ZNF648: variants seen among roughly 807,000 people sequenced by gnomAD.
The protein encoded by ZNF648 is zinc finger protein 648.
Under a neutral mutation model 0.3 loss-of-function variants are expected in ZNF648, and 1 was observed. The ratio of observed to expected loss-of-function variants is 3.90; its 90% CI spans 1.39 to 18.51. The LOEUF is 18.51. Ranked by LOEUF, ZNF648 falls within the 30% of genes most tolerant of loss-of-function variation. The probability of loss-of-function intolerance (pLI) is 0.11; values close to 1 mark genes in which losing one functional copy is unlikely to be tolerated. For synonymous variants in ZNF648, 376 were observed against 326.8 expected (o/e 1.15, Z -1.62); for missense variants, 874 against 769.7 (o/e 1.14, Z -1.60).
the ZNF648 span, among the ~76,000 whole-genome samples, chr1:182,067,543 C>T: frequency 6.6e-6 from 1 of 152,160 alleles, no homozygotes; most frequent in Non-Finnish European, 1.5e-5. Context: ...CCTCTGGTCT[C>T]CACTGGAACC....
rs1665908531 is a variant in ZNF648, at chr1:182,056,392, G to T, written c.1619C>A (p.Ala540Asp). The T allele has an allele frequency of 4.3e-6, 7 of 1,614,182 alleles. No individual in the cohort carries two copies. The highest frequency in any genetic ancestry group is 5.9e-6 in the Non-Finnish European group (7 of 1,180,042). ...RPYQCEDCGQ[A>D]FTRSNHLQRH... Reference sequence around the variant, plus strand: ...TTGGAGGTGATTGGACCTGGTGAAGGCCTGGCCGCAGTCCTCACACTGGTA... The same window carrying T: ...TTGGAGGTGATTGGACCTGGTGAAGTCCTGGCCGCAGTCCTCACACTGGTA... The change falls in exon 2 of 2, where the codon GCC (alanine) becomes GAC (aspartate). Residue 540 changes from alanine to aspartate, a missense_variant. Coordinates refer to ENST00000339948, the MANE Select transcript of ZNF648 (RefSeq NM_001009992.1).
Position 182,056,043 on chromosome 1 carries a change from C to A in ZNF648, c.*261G>T, listed in dbSNP as rs111673139. 1.0e-5 allele frequency: 5 copies of A among 476,442 alleles called. No individual in the cohort carries two copies. Among genetic ancestry groups the A allele is most frequent in the Non-Finnish European group, 1.5e-5 (4 of 270,162 alleles). The allele number at this position is 476,442 out of a possible 1,614,324, so 29.5% of individuals were successfully genotyped here. ...AGGTTCCCCAACCCAAGGAACTCAA[C>A]GTTTGATCAGCTCCCACTACTTTGT... On this transcript the variant is annotated 3_prime_UTR_variant, in exon 2 of 2. Coordinates refer to ENST00000339948, the MANE Select transcript of ZNF648 (RefSeq NM_001009992.1).
intron 1 of ZNF648, among the ~76,000 whole-genome samples, chr1:182,060,926 C>A (rs933640222): frequency 3.9e-5 from 6 of 152,168 alleles, no homozygotes; most frequent in Non-Finnish European, 7.3e-5. Context: ...AGCACAAATA[C>A]CCCATTTTCC....
chr1:182,065,190 A>C (rs928437397), upstream of ZNF648, among the ~76,000 whole-genome samples: 6 of 152,052 alleles, frequency 3.9e-5, no homozygotes, highest in African/African-American at 1.4e-4. Flanking sequence ...CAGAGTCTGC[A>C]CTCTTAACCA....
Position 182,056,717 on chromosome 1 carries a change from A to G in ZNF648, c.1294T>C (p.Ser432Pro). 2 of 1,592,190 alleles carry G rather than the reference A, an allele frequency of 1.3e-6. No homozygotes were observed. The highest frequency in any genetic ancestry group is 2.3e-5 in the South Asian group (2 of 88,084). ...GTCTGGTGCTCGGACAGATTGGAGGACTTGGTGAAGCACTTGCCGCAGGTG... is the reference window on the plus strand; with the variant it reads ...GTCTGGTGCTCGGACAGATTGGAGGGCTTGGTGAAGCACTTGCCGCAGGTG... ...CPTCGKCFTK[S>P]SNLSEHQTLH... Residue 432 changes from serine (S) to proline (P), a missense_variant, in exon 2 of 2, where the codon TCC becomes CCC. Ser to Pro is a moderately conservative substitution (Grantham distance 74, BLOSUM62 -1). Transcript: ENST00000339948.
intron 1 of ZNF648, among the ~76,000 whole-genome samples, chr1:182,060,585 C>G (rs962295793): frequency 1.3e-5 from 2 of 152,152 alleles, no homozygotes; most frequent in Non-Finnish European, 2.9e-5. Flanking sequence ...CTCCTCTTCT[C>G]TCACTGCTTC....
At chr1:182,059,541 C>T (rs570769753) in intron 1 of ZNF648, among the ~76,000 whole-genome samples, 4 of 152,234 alleles carry the variant, frequency 2.6e-5, no homozygotes, top group Non-Finnish European at 5.9e-5. Flanking sequence ...TCTGGGCACA[C>T]GTTATGAGCC....
In ZNF648 at chr1:182,056,595, G is replaced by A. The variant is rs1665915672; in HGVS notation, c.1416C>T (p.Gly472=). The change falls in exon 2 of 2, where the codon GGC becomes GGT. Residue 472 remains glycine, a synonymous_variant. Coordinates refer to ENST00000339948, the MANE Select transcript of ZNF648 (RefSeq NM_001009992.1). Reference sequence around the variant, plus strand: ...ACTGCGTGCAAGGAAAGGGCCTCTCGCCAGTGTGGATGCGCTGGTGGCGCA... The same window carrying A: ...ACTGCGTGCAAGGAAAGGGCCTCTCACCAGTGTGGATGCGCTGGTGGCGCA... ...RLVRHQRIHT[G]ERPFPCTQCG... is the part of the protein sequence containing the mutation. The A allele has an allele frequency of 1.2e-6, 2 of 1,613,544 alleles. No homozygotes were observed. The highest frequency in any genetic ancestry group is 1.7e-5 in the Admixed American group (1 of 59,948).
chr1:182,058,913 C>T (rs1665986564), intron 1 of ZNF648, among the ~76,000 whole-genome samples: 1 of 152,218 alleles, frequency 6.6e-6, no homozygotes, highest in South Asian at 2.1e-4. Context: ...CAACCTCTGC[C>T]TCCCGGTTCA....
chr1:182,057,677 C>G lies in ZNF648; in HGVS notation c.334G>C (p.Glu112Gln), dbSNP rs141227760. ...CTTGCTCCCGGGGAACCCTGGGTCT[C>G]GTTGATCTTTGTCACATCTCTGCTC... ...SWSRDVTKIN[E>Q]TQGSPGASRA... Residue 112 changes from glutamate to glutamine, a missense_variant, in exon 2 of 2, where the codon GAG becomes CAG. Coordinates refer to ENST00000339948, the MANE Select transcript of ZNF648 (RefSeq NM_001009992.1). 6.2e-7 allele frequency: 1 copy of G among 1,614,226 alleles called. No homozygotes were observed.
upstream of ZNF648, chr1:182,063,697 G>A (rs1666062337): frequency 6.6e-6 from 1 of 152,190 alleles, no homozygotes; most frequent in African/African-American, 2.4e-5. Flanking sequence ...CTGTGCAGAA[G>A]CTCATTAGTT....
At position 182,056,856 on chromosome 1, in the gene ZNF648, C is replaced by T. The variant is rs1665925126; in HGVS notation, c.1155G>A (p.Thr385=). 6.4e-7 allele frequency: 1 copy of T among 1,562,002 alleles called. No homozygotes were observed. The highest frequency in any genetic ancestry group is 8.7e-7 in the Non-Finnish European group (1 of 1,153,556). Residue 385 remains threonine, a synonymous_variant, in exon 2 of 2, where the codon ACG becomes ACA. Coordinates refer to ENST00000339948, the MANE Select transcript of ZNF648 (RefSeq NM_001009992.1). ...KPLSLLRHQR[T]HLGAKPFRCP... ...AGCGGAAGGGCTTGGCGCCCAGGTG[C>T]GTGCGCTGGTGGCGCAGCAGCGACA...
chr1:182,065,804 G>T (rs1004817753), upstream of ZNF648, among the ~76,000 whole-genome samples: 2 of 152,236 alleles, frequency 1.3e-5, no homozygotes, highest in African/African-American at 4.8e-5. Flanking sequence ...TCAGGCCTCA[G>T]ATCTGAATCC....
At chr1:182,065,679 T>C (rs1160798408), upstream of ZNF648, among the ~76,000 whole-genome samples, 1 of 152,156 alleles carries the variant, frequency 6.6e-6, no homozygotes, top group Non-Finnish European at 1.5e-5. Context: ...TCTCCCTGAG[T>C]CACCTACCCT....
upstream of ZNF648, chr1:182,063,616 A>T (rs1047429908): frequency 1.3e-5 from 2 of 152,262 alleles, no homozygotes; most frequent in African/African-American, 2.4e-5. Flanking sequence ...GACCTTTGTC[A>T]GATGGATAGA....
At chr1:182,061,106 G>A (rs1415158569) in intron 1 of ZNF648, among the ~76,000 whole-genome samples, 1 of 152,180 alleles carries the variant, frequency 6.6e-6, no homozygotes, top group East Asian at 1.9e-4. Flanking sequence ...AATATGTCCT[G>A]CTTTCTTCCT....
chr1:182,065,586 A>G (rs934918766), upstream of ZNF648, among the ~76,000 whole-genome samples: 2 of 152,174 alleles, frequency 1.3e-5, no homozygotes, highest in African/African-American at 4.8e-5. Context: ...TCTCACTGGT[A>G]TGGGATAGTC....
chr1:182,059,247 C>A (rs766240977), intron 1 of ZNF648, among the ~76,000 whole-genome samples: 1 of 152,220 alleles, frequency 6.6e-6, no homozygotes, highest in Non-Finnish European at 1.5e-5. Flanking sequence ...CATCTCCTGA[C>A]TCAAGAAGCC....
In ZNF648 at chr1:182,054,599, T is replaced by C. The variant is rs770720580; in HGVS notation, c.*1705A>G. 3 of 152,238 alleles carry C rather than the reference T, an allele frequency of 2.0e-5. No individual in the cohort carries two copies. Among genetic ancestry groups the C allele is most frequent in the Non-Finnish European group, 4.4e-5 (3 of 68,044 alleles). The allele number at this position is 152,238 out of a possible 1,614,324, so 9.4% of individuals were successfully genotyped here. On this transcript the variant is annotated 3_prime_UTR_variant, in exon 2 of 2. Transcript: ENST00000339948. ...GTCTTCAAATATTTTATTGATTATC[T>C]AGGAAAAAAAAGTTAGCTTTTGCTC...
Sources: gnomAD v4.1 joint callset for allele counts (sites outside exome capture counted in the v4.1 genomes callset) on GRCh38, gnomAD v4.1.1 for gene constraint, MANE v1.5 for transcripts, NCBI Gene and HGNC (gene_info 2026-07-23, HGNC 2026-07-21) for gene names.